Variants in STK32B observed in about 807,000 individuals in gnomAD.
STK32B encodes serine/threonine-protein kinase 32B.
Under a neutral mutation model 52.6 loss-of-function variants are expected in STK32B, and 43 were observed. That is an observed-to-expected ratio of 0.82 (90% CI 0.64 to 1.05). STK32B has a LOEUF of 1.05. Among genes scored for constraint, STK32B ranks in the 50% least tolerant of loss-of-function variants. The pLI is 0.00. For synonymous variants in STK32B, 238 were observed against 204.3 expected, an observed-to-expected ratio of 1.17 and a Z score of -1.41; for missense variants, 621 against 534.6, an observed-to-expected ratio of 1.16 and a Z score of -1.59.
chr4:5,333,421 G>A (rs1290599185), intron 4 of STK32B, among the ~76,000 whole-genome samples: 2 of 152,124 alleles, frequency 1.3e-5, no homozygotes, highest in Non-Finnish European at 2.9e-5. Flanking sequence ...CTCCCATTTT[G>A]TAGGTTGCCT....
At chr4:5,159,686 A>AATATATATGAATATATATGAAT (rs1718250233) in intron 2 of STK32B, among the ~76,000 whole-genome samples, 1 of 59,180 alleles carries the variant, frequency 1.7e-5, no homozygotes, top group Non-Finnish European at 3.6e-5. Context: ...TATATATATG[A>AATATATATGAATATATATGAAT]ATATATATGA....
At chr4:5,075,855 C>A (rs1235005634) in intron 1 of STK32B, among the ~76,000 whole-genome samples, 1 of 152,134 alleles carries the variant, frequency 6.6e-6, no homozygotes, top group Non-Finnish European at 1.5e-5. Flanking sequence ...TTTGTCTCTA[C>A]CTTGCACAGT....
chr4:5,338,412 C>A (rs889772583), intron 4 of STK32B, among the ~76,000 whole-genome samples: 2 of 152,182 alleles, frequency 1.3e-5, no homozygotes, highest in African/African-American at 4.8e-5. Flanking sequence ...GAAGGTCACA[C>A]CAGGGTAGAG....
At chr4:5,309,454 G>T (rs1171126248) in intron 3 of STK32B, among the ~76,000 whole-genome samples, 1 of 152,112 alleles carries the variant, frequency 6.6e-6, no homozygotes, top group East Asian at 1.9e-4. Context: ...AAAGAACAAG[G>T]TTGGAGGTAT....
chr4:5,348,395 G>T (rs1733605032), intron 4 of STK32B, among the ~76,000 whole-genome samples: 1 of 152,138 alleles, frequency 6.6e-6, no homozygotes, highest in Non-Finnish European at 1.5e-5. Context: ...TTCTTCCCTA[G>T]GGCCCAACAC....
chr4:5,244,300 C>T (rs1464735505), intron 3 of STK32B, among the ~76,000 whole-genome samples: 1 of 152,058 alleles, frequency 6.6e-6, no homozygotes, highest in Admixed American at 6.6e-5. Flanking sequence ...CTGGTTTAGT[C>T]TTGGGAGGGT....
intron 3 of STK32B, among the ~76,000 whole-genome samples, chr4:5,317,466 G>A (rs1183484016): frequency 1.3e-4 from 4 of 31,964 alleles, no homozygotes; most frequent in African/African-American, 3.3e-4. Context: ...TAATATATAT[G>A]TATAATATAT....
chr4:5,410,683 G>A (rs1304813563), intron 5 of STK32B, among the ~76,000 whole-genome samples: 1 of 152,142 alleles, frequency 6.6e-6, no homozygotes, highest in African/African-American at 2.4e-5. Flanking sequence ...TCAGGTTGCT[G>A]CAGTATTAAA....
chr4:5,254,809 G>A (rs1726182986), intron 3 of STK32B, among the ~76,000 whole-genome samples: 1 of 151,974 alleles, frequency 6.6e-6, no homozygotes, highest in Non-Finnish European at 1.5e-5. Flanking sequence ...AGTTTTTTAG[G>A]TTTTACCCAT....
intron 11 of STK32B, among the ~76,000 whole-genome samples, chr4:5,495,071 G>T (rs907685388): frequency 6.6e-6 from 1 of 151,996 alleles, no homozygotes; most frequent in South Asian, 2.1e-4. Context: ...TGCTCTTCTC[G>T]AGGAGTATCT....
intron 4 of STK32B, among the ~76,000 whole-genome samples, chr4:5,384,913 A>C (rs957913149): frequency 1.3e-5 from 2 of 152,008 alleles, no homozygotes; most frequent in Admixed American, 1.3e-4. Context: ...TCCTAGGAGA[A>C]AGAGGAGTCA....
At chr4:5,100,628 CTT>C (rs1297602068) in intron 1 of STK32B, among the ~76,000 whole-genome samples, 2 of 44,580 alleles carry the variant, frequency 4.5e-5, no homozygotes, top group East Asian at 5.5e-3. Flanking sequence ...CTTTTTCTTT[CTT>C]TCTCTTTCTT....
intron 1 of STK32B, among the ~76,000 whole-genome samples, chr4:5,114,724 G>A (rs1199443340): frequency 2.6e-5 from 4 of 152,108 alleles, no homozygotes; most frequent in African/African-American, 4.8e-5. Flanking sequence ...AAAAGGAGAC[G>A]TTCATATCCA....
chr4:5,283,145 C>G (rs1044209453), intron 3 of STK32B, among the ~76,000 whole-genome samples: 1 of 152,074 alleles, frequency 6.6e-6, no homozygotes, highest in African/African-American at 2.4e-5. Flanking sequence ...TTATTAGATT[C>G]CACATATAAG....
At chr4:5,172,993 T>C (rs936903829) in intron 3 of STK32B, among the ~76,000 whole-genome samples, 4 of 152,228 alleles carry the variant, frequency 2.6e-5, no homozygotes, top group African/African-American at 9.6e-5. Context: ...CAGATCCTGT[T>C]ATTGGTCTAT....
At chr4:5,461,987 G>C (rs1191341466) in intron 9 of STK32B, among the ~76,000 whole-genome samples, 1 of 152,236 alleles carries the variant, frequency 6.6e-6, no homozygotes, top group African/African-American at 2.4e-5. Flanking sequence ...GCTTAGCATA[G>C]AGTGGCTGTT....
intron 6 of STK32B, among the ~76,000 whole-genome samples, chr4:5,442,633 T>A (rs1010504145): frequency 3.9e-5 from 6 of 152,092 alleles, no homozygotes; most frequent in Admixed American, 6.5e-5. Context: ...ATGTGTGAAT[T>A]TGATCCTGTC....
At position 5,317,291 on chromosome 4, in the gene STK32B, ATATAATATATAATATATAACATATG is replaced by A. The variant is rs1577339072; in HGVS notation, c.261-13917_261-13893del. Reference sequence around the variant, plus strand: ...ATATAATATATAACATATAACATATATATAATATATAATATATAACATATGTATAATATATATTACATATATAATA... The same window carrying A: ...ATATAATATATAACATATAACATATATATAATATATATTACATATATAATA... On this transcript the variant is annotated intron_variant, in intron 3 of 11. Transcript: ENST00000282908. Among the ~76,000 whole-genome samples the A allele has an allele frequency of 7.7e-4, 34 of 44,418 alleles. 3 individuals are homozygous for A. In the East Asian group the frequency reaches 0.014, roughly 19 times the overall value. The allele number at this position is 44,418 out of a possible 152,430, so 29.1% of individuals were successfully genotyped here.
intron 3 of STK32B, among the ~76,000 whole-genome samples, chr4:5,171,919 G>A (rs371392023): frequency 2.0e-4 from 31 of 151,420 alleles, no homozygotes; most frequent in Middle Eastern, 6.8e-3. Context: ...TTTTCACGAT[G>A]TTGATTCTTC....
Sources: allele counts gnomAD v4.1 joint callset (sites outside exome capture counted in the v4.1 genomes callset), GRCh38; gene constraint gnomAD v4.1.1; transcripts MANE v1.5; gene names NCBI Gene and HGNC (gene_info 2026-07-23, HGNC 2026-07-21).